Variants in HERC1 observed in about 807,000 individuals in gnomAD.
HERC1 encodes probable E3 ubiquitin-protein ligase HERC1.
HERC1 carries 160 observed loss-of-function variants against 554.3 expected under a neutral mutation model. The observed-to-expected ratio is 0.29, with a 90% CI of 0.25 to 0.33. The LOEUF (loss-of-function observed/expected upper bound fraction) is 0.33. HERC1 is among the 10% of genes least tolerant of loss of function. HERC1 has a pLI of 1.00. For missense variants in HERC1, 4,919 were observed against 5,918.5 expected, an observed-to-expected ratio of 0.83 and a Z score of 5.54; for synonymous variants, 2,175 against 2,131.7, an observed-to-expected ratio of 1.02 and a Z score of -0.56.
chr15:63,648,147 T>C lies in HERC1; in HGVS notation c.10800A>G (p.Gly3600=). 2 of 1,595,666 alleles carry C rather than the reference T, an allele frequency of 1.3e-6. No individual in the cohort carries two copies. The highest frequency in any genetic ancestry group is 1.7e-4 in the Middle Eastern group (1 of 6,044). The part of the protein sequence containing the change: ...WFSEDRPFAV[G]YFDGKLLLGT... ...CCAGTAACAGTTTTCCATCAAAATA[T>C]CCCACTGCAAATGGTCTGTCTTCAC... The change falls in exon 55 of 78, where the codon GGA becomes GGG. Residue 3600 remains glycine, a synonymous_variant. Coordinates refer to ENST00000443617, the MANE Select transcript of HERC1 (RefSeq NM_003922.4).
At chr15:63,729,202 A>G in intron 16 of HERC1, 34 bp downstream of exon 16, 1 of 1,566,570 alleles carries the variant, frequency 6.4e-7, no homozygotes, top group Non-Finnish European at 8.6e-7. Flanking sequence ...CTTCTTAATG[A>G]CTGATTAAAT....
intron 67 of HERC1, 53 bp from the exon 68 acceptor site, chr15:63,632,864 T>A (rs1219447822): frequency 7.9e-7 from 1 of 1,266,304 alleles, no homozygotes. Flanking sequence ...AAAATCACTC[T>A]TGAATTTGCC....
rs1294604206 is a variant in HERC1 at position 63,758,752 on chromosome 15, ACACAGTCAC to A, written c.1027-392_1027-384del. On this transcript the variant is annotated intron_variant, in intron 3 of 77. Transcript: ENST00000443617. This position sits in a 1 kb window ranked among gnomAD's most constrained non-coding sequence, Gnocchi z 4.0. ...GAATTGTTCATATACAAATTATTTA[ACACAGTCAC>A]CACAGAGGATACATAAAAGTGACAA... 6.6e-6 allele frequency among the ~76,000 whole-genome samples: 1 copy of A among 152,248 alleles called. No homozygotes were observed. The highest frequency in any genetic ancestry group is 1.5e-5 in the Non-Finnish European group (1 of 68,050).
intron 64 of HERC1, 119 bp from the exon 65 acceptor site, chr15:63,636,261 A>ATTCT: frequency 1.2e-6 from 1 of 826,214 alleles, no homozygotes; most frequent in Non-Finnish European, 1.8e-6. Flanking sequence ...GAAAATAAGA[A>ATTCT]TAATTTCATT....
rs2069581386 is a variant in HERC1, at chr15:63,649,934, G to T, written c.10547-9C>A. 2.6e-6 allele frequency: 4 copies of T among 1,560,396 alleles called. No individual in the cohort carries two copies. The highest frequency in any genetic ancestry group is 8.7e-7 in the Non-Finnish European group (1 of 1,150,166). On this transcript the variant is annotated splice_polypyrimidine_tract_variant and intron_variant, in intron 53 of 77. Transcript: ENST00000443617. ...TACTAATCCTTTTCCTCCTAAAAGGGAAAAAATGTTAACTAGTTTTTACTT... is the reference window on the plus strand; with the variant it reads ...TACTAATCCTTTTCCTCCTAAAAGGTAAAAAATGTTAACTAGTTTTTACTT...
chr15:63,747,575 C>G, intron 11 of HERC1, 149 bp downstream of exon 11: 1 of 477,586 alleles, frequency 2.1e-6, no homozygotes, highest in Non-Finnish European at 3.7e-6. Context: ...AAGTTTAGCT[C>G]TTTTCTAGAT....
intron 2 of HERC1, among the ~76,000 whole-genome samples, chr15:63,770,708 T>G (rs995043942): frequency 3.9e-5 from 6 of 152,226 alleles, no homozygotes; most frequent in African/African-American, 1.4e-4. Flanking sequence ...TGTTAGGTCT[T>G]GTACCAGATA....
Position 63,616,642 on chromosome 15 carries a change from T to G in HERC1, c.13729A>C (p.Met4577Leu), listed in dbSNP as rs570192935. ...AAAATTCCTAAAAACTTAAACTGCATTAAGTGTTCATCGAGGCAGGCAGAA... is the reference window on the plus strand; with the variant it reads ...AAAATTCCTAAAAACTTAAACTGCAGTAAGTGTTCATCGAGGCAGGCAGAA... Reference protein sequence around the residue: ...NPSACLDEHLMQFKFLGILMG... With the variant: ...NPSACLDEHLLQFKFLGILMG... Residue 4577 changes from methionine (M) to leucine (L), a missense_variant, in exon 75 of 78, where the codon ATG (methionine) becomes CTG (leucine). By Grantham distance (15) the Met-to-Leu change is conservative. Coordinates refer to ENST00000443617, the MANE Select transcript of HERC1 (RefSeq NM_003922.4). The G allele has an allele frequency of 1.9e-6, 3 of 1,613,834 alleles. No individual in the cohort carries two copies. The South Asian group carries it at 3.3e-5, about 18-fold the overall frequency.
chr15:63,610,609 G>A (rs1375719227), intron 77 of HERC1, among the ~76,000 whole-genome samples: 1 of 152,214 alleles, frequency 6.6e-6, no homozygotes, highest in Non-Finnish European at 1.5e-5. Flanking sequence ...GAAAATTTAT[G>A]GAAAGGCTCT....
intron 74 of HERC1, among the ~76,000 whole-genome samples, chr15:63,617,722 T>G (rs1186068464): frequency 6.6e-6 from 1 of 152,158 alleles, no homozygotes; most frequent in South Asian, 2.1e-4. Context: ...GAGATGGTAT[T>G]TCATTGTGGT....
At chr15:63,619,268 C>T (rs1200251233) in intron 74 of HERC1, among the ~76,000 whole-genome samples, 1 of 152,160 alleles carries the variant, frequency 6.6e-6, no homozygotes, top group Non-Finnish European at 1.5e-5. Flanking sequence ...TGGTCTTTAT[C>T]TTTGGTTCTG....
At position 63,673,538 on chromosome 15, in the gene HERC1, T is replaced by A. The variant is rs548393325; in HGVS notation, c.7846+804A>T. Among the ~76,000 whole-genome samples, 3 of 152,338 alleles carry A rather than the reference T, an allele frequency of 2.0e-5. No homozygotes were observed. The South Asian group carries it at 6.2e-4, about 32-fold the overall frequency. On this transcript the variant is annotated intron_variant, in intron 38 of 77. Transcript: ENST00000443617. ...AGAACCTAAGAAAGTACCCAACACA[T>A]AGTAGGTACTCAACAAACATTGACT...
chr15:63,796,576 G>C (rs1052431083), intron 1 of HERC1, among the ~76,000 whole-genome samples: 20 of 152,234 alleles, frequency 1.3e-4, no homozygotes, highest in African/African-American at 2.7e-4. Context: ...GGACATGCCT[G>C]TGATACAGAC....
intron 25 of HERC1, among the ~76,000 whole-genome samples, chr15:63,706,364 C>T (rs780141997): frequency 2.2e-4 from 34 of 152,038 alleles, no homozygotes; most frequent in Non-Finnish European, 4.3e-4. Flanking sequence ...TGTGTGTACA[C>T]GTGTACGGGG....
rs775850309 is a variant in HERC1, at chr15:63,680,713, C to T, written c.6289G>A (p.Val2097Ile). Residue 2097 changes from valine to isoleucine, a missense_variant, in exon 35 of 78, where the codon GTA becomes ATA. By Grantham distance (29) the Val-to-Ile change is conservative. Transcript: ENST00000443617. This position sits in a 1 kb window ranked among gnomAD's most constrained non-coding sequence, Gnocchi z 5.8. ...GTCVGVSRWPVHDFNHRTTSD... is the reference protein window; with the variant it reads ...GTCVGVSRWPIHDFNHRTTSD... ...GTAGTGCGGTGATTAAAGTCATGTA[C>T]TGGCCAGCGAGAAACTCCAACACAC... 1.2e-6 allele frequency: 2 copies of T among 1,613,502 alleles called. No individual in the cohort carries two copies.
At chr15:63,819,017 A>G (rs2077593258) in intron 1 of HERC1, among the ~76,000 whole-genome samples, 1 of 152,248 alleles carries the variant, frequency 6.6e-6, no homozygotes, top group Non-Finnish European at 1.5e-5. Context: ...AGAACATGCC[A>G]ATTACCATAA....
chr15:63,737,031 T>C (rs986823964), intron 12 of HERC1, among the ~76,000 whole-genome samples: 1 of 150,842 alleles, frequency 6.6e-6, no homozygotes, highest in Non-Finnish European at 1.5e-5. Flanking sequence ...AAAAAGTACA[T>C]AGAAACAAGA....
At chr15:63,730,782 T>C (rs1409129184) in intron 14 of HERC1, among the ~76,000 whole-genome samples, 6 of 152,194 alleles carry the variant, frequency 3.9e-5, no homozygotes, top group South Asian at 4.1e-4. Context: ...GAGAACAAAT[T>C]TGGCTGAAGA....
intron 47 of HERC1, 112 bp from the exon 48 acceptor site, chr15:63,658,830 C>G (rs1290805609): frequency 1.3e-6 from 1 of 784,586 alleles, no homozygotes; most frequent in Non-Finnish European, 1.9e-6. Flanking sequence ...ATGTCTTTTG[C>G]TCATCTGGAA....
Sources: gnomAD v4.1 joint callset for allele counts (sites outside exome capture counted in the v4.1 genomes callset) on GRCh38, gnomAD v4.1.1 for gene constraint, Gnocchi (gnomAD v3.1) non-coding constraint, MANE v1.5 for transcripts, NCBI Gene and HGNC (gene_info 2026-07-23, HGNC 2026-07-21) for gene names.